DOCK7: variants seen among roughly 807,000 people sequenced by gnomAD.
The protein encoded by DOCK7 is dedicator of cytokinesis 7.
A neutral mutation model predicts 271.0 loss-of-function variants in DOCK7; 138 were observed. The observed-to-expected ratio is 0.51, with a 90% CI of 0.44 to 0.59. The LOEUF (loss-of-function observed/expected upper bound fraction) is 0.59. Among genes scored for constraint, DOCK7 ranks in the 20% least tolerant of loss-of-function variants. The probability of loss-of-function intolerance (pLI) is 0.00; values close to 1 mark genes in which losing one functional copy is unlikely to be tolerated. For synonymous variants in DOCK7, 823 were observed against 876.1 expected (o/e 0.94, Z 1.07); for missense variants, 2,066 against 2,592.4 (o/e 0.80, Z 4.41).
chr1:62,652,399 G>GA (rs1299308586), intron 4 of DOCK7, among the ~76,000 whole-genome samples: 1 of 151,904 alleles, frequency 6.6e-6, no homozygotes, highest in East Asian at 1.9e-4. Context: ...TAGTATAATA[G>GA]AAAAAAATAA....
chr1:62,683,823 G>A (rs1026200199), intron 1 of DOCK7, among the ~76,000 whole-genome samples: 3 of 152,040 alleles, frequency 2.0e-5, no homozygotes, highest in Non-Finnish European at 4.4e-5. Context: ...AGCTACTTGG[G>A]AGGCTGAGGT....
chr1:62,593,770 T>C (rs750441942), intron 14 of DOCK7, among the ~76,000 whole-genome samples: 27 of 152,160 alleles, frequency 1.8e-4, no homozygotes, highest in South Asian at 1.0e-3. Context: ...GAGCACTTGA[T>C]AGGTGAGTGG....
In DOCK7 at chr1:62,631,270, C is replaced by T; in HGVS notation, c.1252G>A (p.Asp418Asn). The T allele has an allele frequency of 1.2e-6, 2 of 1,609,528 alleles. No individual in the cohort carries two copies. Reference sequence around the variant, plus strand: ...GTACTGATTTCTACTTCTGTAGAATCTCTTTCCAAACTCCCAGCACTGCTA... The same window carrying T: ...GTACTGATTTCTACTTCTGTAGAATTTCTTTCCAAACTCCCAGCACTGCTA... The part of the protein sequence containing the change: ...IVSSAGSLER[D>N]STEVEISTGE... The change falls in exon 11 of 50, where the codon GAT becomes AAT. Residue 418 changes from aspartate to asparagine, a missense_variant. By Grantham distance (23) the Asp-to-Asn change is conservative. Transcript: ENST00000635253.
chr1:62,455,032 T>A lies in DOCK7; in HGVS notation c.*382A>T. On this transcript the variant is annotated 3_prime_UTR_variant, in exon 50 of 50. Transcript: ENST00000635253. ...AAAATTAGTGTAAACATTCACATAT[T>A]TAATAGTACCTTTAAAATAAGCATT... 2 of 424,466 alleles carry A rather than the reference T, an allele frequency of 4.7e-6. No homozygotes were observed. Among genetic ancestry groups the A allele is most frequent in the Non-Finnish European group, 8.3e-6 (2 of 240,812 alleles). The allele number at this position is 424,466 out of a possible 1,614,324, so 26.3% of individuals were successfully genotyped here.
chr1:62,665,190 T>C (rs1001247820), intron 1 of DOCK7, among the ~76,000 whole-genome samples: 1 of 152,174 alleles, frequency 6.6e-6, no homozygotes, highest in African/African-American at 2.4e-5. Flanking sequence ...GGCTTCGCCA[T>C]GTTGACCAGG....
intron 31 of DOCK7, among the ~76,000 whole-genome samples, chr1:62,525,259 T>C (rs1038934124): frequency 7.2e-5 from 11 of 152,030 alleles, no homozygotes; most frequent in African/African-American, 2.7e-4. Flanking sequence ...TCTGCCCACC[T>C]TGGCCTCCCA....
intron 11 of DOCK7, among the ~76,000 whole-genome samples, chr1:62,630,061 G>C (rs1654428710): frequency 6.6e-6 from 1 of 152,188 alleles, no homozygotes; most frequent in South Asian, 2.1e-4. Flanking sequence ...ACTTAAGCAA[G>C]CCCTGAGAAT....
chr1:62,531,556 C>T (rs1414979405), intron 29 of DOCK7, among the ~76,000 whole-genome samples: 3 of 152,170 alleles, frequency 2.0e-5, no homozygotes, highest in African/African-American at 7.2e-5. Context: ...TACTACAAAA[C>T]TAACATTTAA....
intron 16 of DOCK7, among the ~76,000 whole-genome samples, chr1:62,579,211 A>C (rs1405178236): frequency 6.6e-6 from 1 of 152,164 alleles, no homozygotes; most frequent in East Asian, 1.9e-4. Flanking sequence ...ACTATTTAAA[A>C]GTTCATTAAT....
chr1:62,606,677 C>CT (rs1346234727), intron 14 of DOCK7, among the ~76,000 whole-genome samples: 1 of 152,104 alleles, frequency 6.6e-6, no homozygotes, highest in Non-Finnish European at 1.5e-5. Flanking sequence ...CTGAATCCAT[C>CT]TTTATAACCC....
intron 48 of DOCK7, among the ~76,000 whole-genome samples, chr1:62,468,360 C>CAAAAAAA (rs201784083): frequency 1.1e-5 from 1 of 93,082 alleles, no homozygotes; most frequent in Non-Finnish European, 2.3e-5. Context: ...GACTCTGTCT[C>CAAAAAAA]AAAAAAAAAA....
intron 28 of DOCK7, among the ~76,000 whole-genome samples, chr1:62,537,219 G>T (rs1192446902): frequency 6.6e-6 from 1 of 152,170 alleles, no homozygotes; most frequent in East Asian, 1.9e-4. Flanking sequence ...ATCTTAATTA[G>T]TAAGTTTATT....
chr1:62,634,033 G>C (rs992096394), intron 9 of DOCK7: 1 of 152,278 alleles, frequency 6.6e-6, no homozygotes, highest in African/African-American at 2.4e-5. Flanking sequence ...CTTTAAAGAT[G>C]CCACACAAAA....
intron 14 of DOCK7, chr1:62,600,932 A>C (rs1292570949): frequency 1.2e-5 from 7 of 608,588 alleles, no homozygotes; most frequent in East Asian, 2.8e-5. Flanking sequence ...TAATCTGTAC[A>C]ATCTGAATAA....
intron 31 of DOCK7, among the ~76,000 whole-genome samples, chr1:62,525,027 A>C (rs866338321): frequency 1.9e-4 from 29 of 149,474 alleles, no homozygotes; most frequent in Non-Finnish European, 1.3e-4. Flanking sequence ...TTTTTTTGAG[A>C]TAGAGTCTTG....
At chr1:62,472,140 G>A (rs967383304) in intron 48 of DOCK7, among the ~76,000 whole-genome samples, 2 of 151,998 alleles carry the variant, frequency 1.3e-5, no homozygotes. Context: ...TACTCACTCT[G>A]TTGCCCAGGC....
chr1:62,470,231 G>C (rs531574916), intron 48 of DOCK7, among the ~76,000 whole-genome samples: 1 of 152,288 alleles, frequency 6.6e-6, no homozygotes, highest in South Asian at 2.1e-4. Flanking sequence ...ATATTACTCA[G>C]CCATAAAAAG....
At position 62,676,238 on chromosome 1, in the gene DOCK7, T is replaced by TA. The variant is rs1193499971; in HGVS notation, c.38+11988dup. 4.6e-5 allele frequency among the ~76,000 whole-genome samples: 7 copies of TA among 152,320 alleles called. No homozygotes were observed. The South Asian group carries it at 1.5e-3, about 32-fold the overall frequency. ...TACTGATATATGCACAGATGAACCA[T>TA]AAAAACATTATGCTAAATGAAAGCC... On this transcript the variant is annotated intron_variant, in intron 1 of 49. Coordinates refer to ENST00000635253, the MANE Select transcript of DOCK7 (RefSeq NM_001367561.1).
intron 1 of DOCK7, among the ~76,000 whole-genome samples, chr1:62,676,454 T>C (rs191952958): frequency 1.1e-3 from 163 of 152,336 alleles, no homozygotes; most frequent in African/African-American, 3.6e-3. Context: ...TGGATGATGG[T>C]TTCACAGCTG....
Sources: allele counts gnomAD v4.1 joint callset (sites outside exome capture counted in the v4.1 genomes callset), GRCh38; gene constraint gnomAD v4.1.1; transcripts MANE v1.5; gene names NCBI Gene and HGNC (gene_info 2026-07-23, HGNC 2026-07-21).